The following RAB32 variants were observed in gnomAD, a reference collection of about 807,000 sequenced individuals.
RAB32 encodes the protein ras-related protein Rab-32.
In RAB32, 17 loss-of-function variants were observed where a neutral mutation model predicts 17.5. The ratio of observed to expected loss-of-function variants is 0.97; its 90% CI spans 0.67 to 1.46. RAB32 has a LOEUF of 1.46. Among genes scored for constraint, RAB32 ranks in the 40% most tolerant of loss-of-function variants. The probability of loss-of-function intolerance (pLI) is 0.00; values close to 1 mark genes in which losing one functional copy is unlikely to be tolerated. For missense variants in RAB32, 288 were observed against 284.3 expected, an observed-to-expected ratio of 1.01 and a Z score of -0.09; for synonymous variants, 115 against 111.1, an observed-to-expected ratio of 1.04 and a Z score of -0.22.
rs372904519 is a variant in RAB32, at chr6:146,549,600, T to C, written c.387T>C (p.His129=). ...AAAGTGATCTGGATAGTAAAGTTCA[T>C]CTTCCAAATGGCAGCCCTATCCCTG... The part of the protein sequence containing the change: ...KWKSDLDSKV[H]LPNGSPIPAV... The change falls in exon 2 of 3, where the codon CAT becomes CAC. Residue 129 remains histidine, a synonymous_variant. Coordinates refer to ENST00000367495, the MANE Select transcript of RAB32 (RefSeq NM_006834.5). 8 of 1,614,070 alleles carry C rather than the reference T, an allele frequency of 5.0e-6. No individual in the cohort carries two copies. The highest frequency in any genetic ancestry group is 6.8e-6 in the Non-Finnish European group (8 of 1,180,032).
At chr6:146,552,533 CAT>C (rs908788732) in intron 2 of RAB32, among the ~76,000 whole-genome samples, 4 of 151,962 alleles carry the variant, frequency 2.6e-5, no homozygotes, top group Admixed American at 6.6e-5. Flanking sequence ...CTTCAGGTTT[CAT>C]ATGTGTGTGT....
chr6:146,549,473 G>A lies in RAB32; in HGVS notation c.260G>A (p.Arg87Gln), dbSNP rs768672369. 6 of 1,613,452 alleles carry A rather than the reference G, an allele frequency of 3.7e-6. No individual in the cohort carries two copies. The highest frequency in any genetic ancestry group is 2.7e-5 in the African/African-American group (2 of 74,992). ...LQLWDIAGQE[R>Q]FGNMTRVYYK... ...TTATATTTATGTCTAGGGCAGGAGCGATTTGGCAACATGACCCGAGTATAC... is the reference window on the plus strand; with the variant it reads ...TTATATTTATGTCTAGGGCAGGAGCAATTTGGCAACATGACCCGAGTATAC... Residue 87 changes from arginine to glutamine, a missense_variant, in exon 2 of 3, where the codon CGA becomes CAA. Coordinates refer to ENST00000367495, the MANE Select transcript of RAB32 (RefSeq NM_006834.5).
rs202032061 is a variant in RAB32 at position 146,554,539 on chromosome 6, C to A, written c.612C>A (p.Asn204Lys). 6.2e-7 allele frequency: 1 copy of A among 1,613,756 alleles called. No homozygotes were observed. The highest frequency in any genetic ancestry group is 2.2e-5 in the East Asian group (1 of 44,850). ...ACCAAAGCTTTCCTAATGAAGAAAA[C>A]GATGTGGACAAAATTAAGCTAGATC... is the stretch of plus-strand genomic sequence containing the variant. ...VNHQSFPNEE[N>K]DVDKIKLDQE... The change falls in exon 3 of 3, where the codon AAC becomes AAA. Residue 204 changes from asparagine (N) to lysine (K), a missense_variant. Physicochemically the swap from Asn to Lys is moderately conservative, Grantham distance 94. Transcript: ENST00000367495.
At chr6:146,552,654 A>G (rs1345419061) in intron 2 of RAB32, among the ~76,000 whole-genome samples, 7 of 152,214 alleles carry the variant, frequency 4.6e-5, no homozygotes, top group African/African-American at 1.4e-4. Flanking sequence ...GTGTGTATAC[A>G]TACGTTTATT....
At chr6:146,547,090 T>C (rs1179053019) in intron 1 of RAB32, among the ~76,000 whole-genome samples, 1 of 152,108 alleles carries the variant, frequency 6.6e-6, no homozygotes, top group Non-Finnish European at 1.5e-5. Context: ...GGACTGCTGC[T>C]CAAAACATAA....
At chr6:146,550,688 A>G (rs1309188586) in intron 2 of RAB32, among the ~76,000 whole-genome samples, 1 of 144,640 alleles carries the variant, frequency 6.9e-6, no homozygotes, top group African/African-American at 2.6e-5. Flanking sequence ...GTCTAGATAT[A>G]GAAAAAAGGT....
chr6:146,549,044 A>C (rs1322050026), intron 1 of RAB32, among the ~76,000 whole-genome samples: 1 of 152,166 alleles, frequency 6.6e-6, no homozygotes, highest in African/African-American at 2.4e-5. Context: ...CTATTTGACT[A>C]GCATGTTACC....
intron 2 of RAB32, among the ~76,000 whole-genome samples, chr6:146,551,944 A>G (rs1377794066): frequency 6.6e-6 from 1 of 152,158 alleles, no homozygotes; most frequent in Non-Finnish European, 1.5e-5. Context: ...AATAACAGTA[A>G]TAAAAAAATT....
chr6:146,549,760 A>G lies in RAB32; in HGVS notation c.528+19A>G. On this transcript the variant is annotated intron_variant, in intron 2 of 2. Coordinates refer to ENST00000367495, the MANE Select transcript of RAB32 (RefSeq NM_006834.5). Reference sequence around the variant, plus strand: ...TGCAAAGGTGAGATCTGCTTTGCTTATGCATCTTTTGCTTTCTAGCTCATA... The same window carrying G: ...TGCAAAGGTGAGATCTGCTTTGCTTGTGCATCTTTTGCTTTCTAGCTCATA... 6.2e-7 allele frequency: 1 copy of G among 1,605,018 alleles called. No homozygotes were observed. Among genetic ancestry groups the G allele is most frequent in the Non-Finnish European group, 8.5e-7 (1 of 1,174,478 alleles).
chr6:146,554,305 C>T (rs1162676351), intron 2 of RAB32, 151 bp from the exon 3 acceptor site: 5 of 608,244 alleles, frequency 8.2e-6, no homozygotes, highest in Non-Finnish European at 1.3e-5. Context: ...ACATTCAACT[C>T]TAAGTGGGCA....
Position 146,554,598 on chromosome 6 carries a change from G to A in RAB32, c.671G>A (p.Cys224Tyr). Residue 224 changes from cysteine to tyrosine, a missense_variant, in exon 3 of 3, where the codon TGT becomes TAT. Coordinates refer to ENST00000367495, the MANE Select transcript of RAB32 (RefSeq NM_006834.5). ...ETLRAENKSQ[C>Y]C Reference sequence around the variant, plus strand: ...TTGAGAGCAGAGAACAAATCCCAGTGTTGCTGATATATGGCTTCTGCTTCT... The same window carrying A: ...TTGAGAGCAGAGAACAAATCCCAGTATTGCTGATATATGGCTTCTGCTTCT... 6.2e-7 allele frequency: 1 copy of A among 1,611,056 alleles called. No homozygotes were observed. The highest frequency in any genetic ancestry group is 8.5e-7 in the Non-Finnish European group (1 of 1,178,942).
At position 146,554,510 on chromosome 6, in the gene RAB32, A is replaced by T. The variant is rs1779935393; in HGVS notation, c.583A>T (p.Asn195Tyr). 1 of 1,613,764 alleles carries T rather than the reference A, an allele frequency of 6.2e-7. No homozygotes were observed. Among genetic ancestry groups the T allele is most frequent in the African/African-American group, 1.3e-5 (1 of 74,922 alleles). ...ARFLVEKILVNHQSFPNEEND... is the reference protein window; with the variant it reads ...ARFLVEKILVYHQSFPNEEND... ...GTTCCTAGTGGAGAAGATTCTTGTAAACCACCAAAGCTTTCCTAATGAAGA... is the reference window on the plus strand; with the variant it reads ...GTTCCTAGTGGAGAAGATTCTTGTATACCACCAAAGCTTTCCTAATGAAGA... The change falls in exon 3 of 3, where the codon AAC becomes TAC. Residue 195 changes from asparagine (N) to tyrosine (Y), a missense_variant. Physicochemically the swap from Asn to Tyr is moderately radical, Grantham distance 143. Transcript: ENST00000367495.
At chr6:146,553,444 G>A (rs1202380335) in intron 2 of RAB32, among the ~76,000 whole-genome samples, 1 of 152,068 alleles carries the variant, frequency 6.6e-6, no homozygotes. Context: ...AAATACATAC[G>A]TTGAATTTAA....
rs771580024 is a variant in RAB32, at chr6:146,544,029, A to G, written c.158A>G (p.His53Arg). The change falls in exon 1 of 3, where the codon CAC becomes CGC. Residue 53 changes from histidine to arginine, a missense_variant. Physicochemically the swap from His to Arg is conservative, Grantham distance 29. Coordinates refer to ENST00000367495, the MANE Select transcript of RAB32 (RefSeq NM_006834.5). ...TACGTCCACCAGCTCTTCTCCCAGCACTACCGGGCCACCATCGGGGTGGAC... is the reference window on the plus strand; with the variant it reads ...TACGTCCACCAGCTCTTCTCCCAGCGCTACCGGGCCACCATCGGGGTGGAC... ...KRYVHQLFSQHYRATIGVDFA... is the reference protein window; with the variant it reads ...KRYVHQLFSQRYRATIGVDFA... 2 of 1,613,894 alleles carry G rather than the reference A, an allele frequency of 1.2e-6. No homozygotes were observed. Among genetic ancestry groups the G allele is most frequent in the South Asian group, 2.2e-5 (2 of 91,080 alleles).
chr6:146,554,532 A>G lies in RAB32; in HGVS notation c.605A>G (p.Glu202Gly). Reference protein sequence around the residue: ...ILVNHQSFPNEENDVDKIKLD... With the variant: ...ILVNHQSFPNGENDVDKIKLD... ...GTAAACCACCAAAGCTTTCCTAATG[A>G]AGAAAACGATGTGGACAAAATTAAG... Residue 202 changes from glutamate to glycine, a missense_variant, in exon 3 of 3, where the codon GAA becomes GGA. Coordinates refer to ENST00000367495, the MANE Select transcript of RAB32 (RefSeq NM_006834.5). 1 of 1,613,968 alleles carries G rather than the reference A, an allele frequency of 6.2e-7. No homozygotes were observed. Among genetic ancestry groups the G allele is most frequent in the Non-Finnish European group, 8.5e-7 (1 of 1,179,858 alleles).
chr6:146,550,194 T>C (rs563947864), intron 2 of RAB32, among the ~76,000 whole-genome samples: 1 of 152,174 alleles, frequency 6.6e-6, no homozygotes, highest in Non-Finnish European at 1.5e-5. Context: ...AGTTTTAGGT[T>C]AACTGTGTAC....
chr6:146,552,573 T>A (rs1295753656), intron 2 of RAB32, among the ~76,000 whole-genome samples: 1 of 152,130 alleles, frequency 6.6e-6, no homozygotes, highest in Non-Finnish European at 1.5e-5. Context: ...TATATATATG[T>A]GAGTGTGTAT....
chr6:146,544,048 G>A lies in RAB32; in HGVS notation c.177G>A (p.Gly59=). The A allele has an allele frequency of 9.3e-6, 15 of 1,613,900 alleles. No individual in the cohort carries two copies. Among genetic ancestry groups the A allele is most frequent in the Non-Finnish European group, 1.3e-5 (15 of 1,179,976 alleles). Residue 59 remains glycine, a synonymous_variant, in exon 1 of 3, where the codon GGG becomes GGA. Coordinates refer to ENST00000367495, the MANE Select transcript of RAB32 (RefSeq NM_006834.5). ...LFSQHYRATI[G]VDFALKVLNW... is the part of the protein sequence containing the mutation. Reference sequence around the variant, plus strand: ...CCCAGCACTACCGGGCCACCATCGGGGTGGACTTCGCCCTCAAGGTCCTCA... The same window carrying A: ...CCCAGCACTACCGGGCCACCATCGGAGTGGACTTCGCCCTCAAGGTCCTCA...
intron 2 of RAB32, 76 bp from the exon 3 acceptor site, chr6:146,554,380 C>T (rs1445006804): frequency 6.9e-7 from 1 of 1,439,392 alleles, no homozygotes; most frequent in African/African-American, 1.4e-5. Context: ...TTTTCCTGGT[C>T]CCATTCATAC....
Sources: gnomAD v4.1 joint callset for allele counts (sites outside exome capture counted in the v4.1 genomes callset) on GRCh38, gnomAD v4.1.1 for gene constraint, MANE v1.5 for transcripts, NCBI Gene and HGNC (gene_info 2026-07-23, HGNC 2026-07-21) for gene names.